Variants in APLF observed in about 807,000 individuals in gnomAD.
APLF encodes aprataxin and PNKP like factor, also known as aprataxin and PNK-like factor.
In APLF, 61 loss-of-function variants were observed where a neutral mutation model predicts 55.6. That is an observed-to-expected ratio of 1.10 (90% CI 0.89 to 1.36). The LOEUF is 1.36. APLF is among the 40% of genes most tolerant of loss of function. The pLI is 0.00. For synonymous variants in APLF, 207 were observed against 214.8 expected, an observed-to-expected ratio of 0.96 and a Z score of 0.32; for missense variants, 611 against 602.5, an observed-to-expected ratio of 1.01 and a Z score of -0.15.
At chr2:68,503,051 C>A (rs1676771215) in intron 3 of APLF, 148 bp downstream of exon 3, 1 of 748,872 alleles carries the variant, frequency 1.3e-6, no homozygotes, top group Non-Finnish European at 2.1e-6. Context: ...TGTGTGCATG[C>A]CTTTGCATGT....
intron 6 of APLF, among the ~76,000 whole-genome samples, chr2:68,526,910 T>A (rs949054915): frequency 6.6e-6 from 1 of 152,108 alleles, no homozygotes; most frequent in Non-Finnish European, 1.5e-5. Flanking sequence ...ACGATCTCGA[T>A]CTCCTTTTTT....
intron 9 of APLF, among the ~76,000 whole-genome samples, chr2:68,568,028 A>T (rs1671354306): frequency 6.6e-6 from 1 of 152,124 alleles, no homozygotes; most frequent in South Asian, 2.1e-4. Flanking sequence ...ACCAGAATGG[A>T]GTCACCTTCA....
chr2:68,517,651 GTTA>G (rs1669661707), intron 5 of APLF, among the ~76,000 whole-genome samples: 1 of 143,864 alleles, frequency 7.0e-6, no homozygotes, highest in South Asian at 2.2e-4. Flanking sequence ...ACTAATATAT[GTTA>G]TTAACGTAAC....
chr2:68,467,903 C>G (rs1253097970), intron 1 of APLF, 76 bp downstream of exon 1: 4 of 1,130,896 alleles, frequency 3.5e-6, no homozygotes, highest in South Asian at 4.6e-5. Context: ...CGGCCCTAGT[C>G]CTGGCCGGTT....
At chr2:68,467,874 C>T in intron 1 of APLF, 47 bp downstream of exon 1, 1 of 1,218,742 alleles carries the variant, frequency 8.2e-7, no homozygotes, top group Admixed American at 4.2e-5. Context: ...CGTGGAGTTC[C>T]GCGCCGGCTC....
intron 6 of APLF, among the ~76,000 whole-genome samples, chr2:68,530,777 C>A (rs1372436515): frequency 6.6e-6 from 1 of 151,972 alleles, no homozygotes; most frequent in African/African-American, 2.4e-5. Flanking sequence ...GGTGTCTGGA[C>A]TAGGGAAACA....
Position 68,578,373 on chromosome 2 carries a change from T to C in APLF, c.*351T>C, listed in dbSNP as rs569280851. ...TTTTTAAATTTTTTTCCAAAGATTATGGAGTACTCTGCAAGTATAACCAGG... is the reference window on the plus strand; with the variant it reads ...TTTTTAAATTTTTTTCCAAAGATTACGGAGTACTCTGCAAGTATAACCAGG... On this transcript the variant is annotated 3_prime_UTR_variant, in exon 10 of 10. Coordinates refer to ENST00000303795, the MANE Select transcript of APLF (RefSeq NM_173545.3). The C allele has an allele frequency of 2.0e-6, 2 of 1,025,278 alleles. No homozygotes were observed. The highest frequency in any genetic ancestry group is 2.3e-6 in the Non-Finnish European group (2 of 854,236). 63.5% of individuals were successfully genotyped at this position (1,025,278 alleles called of 1,614,324 possible). A position where few individuals can be genotyped will look rare whatever the true frequency, so the allele number is the denominator to read the frequency against.
intron 1 of APLF, among the ~76,000 whole-genome samples, chr2:68,483,616 TTAAAGTA>T (rs1313650139): frequency 6.6e-6 from 1 of 152,154 alleles, no homozygotes; most frequent in Non-Finnish European, 1.5e-5. Context: ...TTTTATAAAA[TTAAAGTA>T]TAAAGTATTA....
At chr2:68,554,011 G>C (rs549722504) in intron 8 of APLF, among the ~76,000 whole-genome samples, 1 of 152,112 alleles carries the variant, frequency 6.6e-6, no homozygotes. Context: ...TGCCATGTTA[G>C]ATAATCTTAC....
At chr2:68,530,113 G>T (rs1298491947) in intron 6 of APLF, among the ~76,000 whole-genome samples, 5 of 152,178 alleles carry the variant, frequency 3.3e-5, no homozygotes, top group Non-Finnish European at 7.3e-5. Context: ...TTACAAATTT[G>T]CCTGAGACCA....
At chr2:68,528,589 C>G in intron 6 of APLF, 1 of 1,534,048 alleles carries the variant, frequency 6.5e-7, no homozygotes. Context: ...CCACCGTCAG[C>G]AAGCCTGGAG....
chr2:68,542,183 A>T (rs117738327), intron 7 of APLF, among the ~76,000 whole-genome samples: 1 of 152,304 alleles, frequency 6.6e-6, no homozygotes, highest in East Asian at 1.9e-4. Flanking sequence ...AACTATAAAC[A>T]TCTAAAACTA....
At chr2:68,538,863 C>A (rs1384483109) in intron 7 of APLF, among the ~76,000 whole-genome samples, 2 of 152,080 alleles carry the variant, frequency 1.3e-5, no homozygotes, top group Admixed American at 1.3e-4. Flanking sequence ...GATTTCTTGC[C>A]ATTCCAACTT....
chr2:68,524,716 C>T (rs763909501), intron 5 of APLF, among the ~76,000 whole-genome samples: 23 of 152,310 alleles, frequency 1.5e-4, no homozygotes, highest in Non-Finnish European at 2.6e-4. Flanking sequence ...GTTCAAACTT[C>T]ATTTAGTCAG....
chr2:68,541,435 A>G (rs1270377478), intron 7 of APLF, among the ~76,000 whole-genome samples: 1 of 152,194 alleles, frequency 6.6e-6, no homozygotes, highest in Non-Finnish European at 1.5e-5. Context: ...GCAACCAATA[A>G]GAAAATGACA....
chr2:68,577,694 G>A (rs1671660071), intron 9 of APLF, 126 bp from the exon 10 acceptor site: 4 of 1,110,800 alleles, frequency 3.6e-6, no homozygotes, highest in Non-Finnish European at 5.0e-6. Flanking sequence ...CCAGAAATTT[G>A]TAGTGGTAAG....
chr2:68,563,427 A>T lies in APLF; in HGVS notation c.1287-3914A>T, dbSNP rs539975824. The T allele has an allele frequency of 6.5e-4, 572 of 874,236 alleles. 2 individuals are homozygous for T. The highest frequency in any genetic ancestry group is 4.2e-3 in the South Asian group (80 of 19,072). The allele number at this position is 874,236 out of a possible 1,614,324, so 54.2% of individuals were successfully genotyped here. ...TAGGATGTGAGGTTGGTGGATGCAG[A>T]TGGTGCATGCGAGTGCAACTGGGAA... On this transcript the variant is annotated intron_variant, in intron 8 of 9. Transcript: ENST00000303795.
chr2:68,578,341 T>A lies in APLF; in HGVS notation c.*319T>A. The A allele has an allele frequency of 9.7e-7, 1 of 1,032,242 alleles. No homozygotes were observed. The highest frequency in any genetic ancestry group is 1.2e-6 in the Non-Finnish European group (1 of 858,746). 63.9% of individuals were successfully genotyped at this position (1,032,242 alleles called of 1,614,324 possible). On this transcript the variant is annotated 3_prime_UTR_variant, in exon 10 of 10. Transcript: ENST00000303795. Reference sequence around the variant, plus strand: ...GTAAAAGCCATAGGTTGCATAAAACTTTGGTCTTTTTAAATTTTTTTCCAA... The same window carrying A: ...GTAAAAGCCATAGGTTGCATAAAACATTGGTCTTTTTAAATTTTTTTCCAA...
At chr2:68,479,967 AC>A (rs1195337877) in intron 1 of APLF, among the ~76,000 whole-genome samples, 1 of 152,168 alleles carries the variant, frequency 6.6e-6, no homozygotes, top group Non-Finnish European at 1.5e-5. Context: ...TCTCTTCCTT[AC>A]GATTTTCTGA....
Sources: allele counts gnomAD v4.1 joint callset (sites outside exome capture counted in the v4.1 genomes callset), GRCh38; gene constraint gnomAD v4.1.1; transcripts MANE v1.5; gene names NCBI Gene and HGNC (gene_info 2026-07-23, HGNC 2026-07-21).